Variants in STXBP6 observed in about 807,000 individuals in gnomAD.
STXBP6 encodes the protein syntaxin binding protein 6.
Under a neutral mutation model 26.9 loss-of-function variants are expected in STXBP6, and 21 were observed. That is an observed-to-expected ratio of 0.78 (90% CI 0.55 to 1.12). STXBP6 has a LOEUF of 1.12. Ranked by LOEUF, STXBP6 falls within the 50% of genes most tolerant of loss-of-function variation. The pLI is 0.00. For missense variants in STXBP6, 232 were observed against 257.9 expected (o/e 0.90, Z 0.69); for synonymous variants, 97 against 92.6 (o/e 1.05, Z -0.27).
chr14:24,875,964 T>C (rs1241792513), intron 2 of STXBP6, among the ~76,000 whole-genome samples: 1 of 152,088 alleles, frequency 6.6e-6, no homozygotes, highest in Admixed American at 6.5e-5. Context: ...AATACGGCAC[T>C]GTGTATTTAT....
intron 1 of STXBP6, among the ~76,000 whole-genome samples, chr14:25,005,808 A>T (rs989759014): frequency 2.6e-4 from 26 of 100,846 alleles, no homozygotes; most frequent in Non-Finnish European, 4.6e-4. Flanking sequence ...GGAAAAAACT[A>T]AAAAAAAAAA....
intron 2 of STXBP6, among the ~76,000 whole-genome samples, chr14:24,939,212 G>A (rs1157621725): frequency 2.0e-5 from 3 of 152,120 alleles, no homozygotes; most frequent in African/African-American, 7.2e-5. Flanking sequence ...GGTGACTGTG[G>A]CCAAGGCAAC....
chr14:24,871,670 G>A (rs2069941118), intron 2 of STXBP6, among the ~76,000 whole-genome samples: 1 of 152,204 alleles, frequency 6.6e-6, no homozygotes, highest in Non-Finnish European at 1.5e-5. Flanking sequence ...TGGCGTTGCT[G>A]CTTTCAAGCC....
Position 24,812,634 on chromosome 14 carries a change from T to C in STXBP6, c.*75A>G. 1.4e-6 allele frequency: 2 copies of C among 1,438,674 alleles called. No homozygotes were observed. Among genetic ancestry groups the C allele is most frequent in the Non-Finnish European group, 2.0e-6 (2 of 1,023,046 alleles). The allele number at this position is 1,438,674 out of a possible 1,614,324, so 89.1% of individuals were successfully genotyped here. ...TTGGAAAAAAAGAAGCAAGCGGAGG[T>C]CCCGAATTCTTGTAAAAACTGCTGA... On this transcript the variant is annotated 3_prime_UTR_variant, in exon 6 of 6. Coordinates refer to ENST00000323944, the MANE Select transcript of STXBP6 (RefSeq NM_001394410.1).
At chr14:24,864,100 T>C (rs1483727128) in intron 2 of STXBP6, among the ~76,000 whole-genome samples, 2 of 152,118 alleles carry the variant, frequency 1.3e-5, no homozygotes, top group Admixed American at 1.3e-4. Context: ...CTGTTCTTAC[T>C]TCCTCAATTC....
intron 4 of STXBP6, among the ~76,000 whole-genome samples, chr14:24,828,794 A>G (rs2068366078): frequency 6.6e-6 from 1 of 152,212 alleles, no homozygotes; most frequent in Non-Finnish European, 1.5e-5. Context: ...ATAATTAGAT[A>G]TTAATAAGGT....
At chr14:24,970,381 A>G (rs2073870302) in intron 2 of STXBP6, among the ~76,000 whole-genome samples, 1 of 152,240 alleles carries the variant, frequency 6.6e-6, no homozygotes, top group Non-Finnish European at 1.5e-5. Flanking sequence ...AACACCTAAC[A>G]TCACTGCAAA....
intron 2 of STXBP6, among the ~76,000 whole-genome samples, chr14:24,958,561 C>T (rs749872863): frequency 9.9e-5 from 15 of 152,152 alleles, no homozygotes; most frequent in Admixed American, 2.6e-4. Flanking sequence ...TGGCATATCA[C>T]AGCCTTAAAG....
intron 4 of STXBP6, among the ~76,000 whole-genome samples, chr14:24,833,935 A>G (rs2138942499): frequency 6.6e-6 from 1 of 152,350 alleles, no homozygotes; most frequent in East Asian, 1.9e-4. Context: ...ATATAGAGGA[A>G]GGCACGATTT....
intron 1 of STXBP6, among the ~76,000 whole-genome samples, chr14:24,994,579 G>A (rs115594959): frequency 4.7e-4 from 71 of 152,280 alleles, no homozygotes; most frequent in African/African-American, 1.7e-3. Context: ...CTTTCCAGAT[G>A]TGTATCCAGC....
intron 1 of STXBP6, among the ~76,000 whole-genome samples, chr14:24,983,598 G>C (rs988533302): frequency 1.3e-5 from 2 of 152,158 alleles, no homozygotes; most frequent in Non-Finnish European, 2.9e-5. Flanking sequence ...TCCCCTTAGA[G>C]GAGGGTATGA....
chr14:24,959,004 G>T (rs559617846), intron 2 of STXBP6, among the ~76,000 whole-genome samples: 18 of 152,086 alleles, frequency 1.2e-4, no homozygotes, highest in Admixed American at 1.0e-3. Context: ...GTCATAATGC[G>T]TCTATCAACC....
At chr14:24,938,424 C>A (rs2072677828) in intron 2 of STXBP6, among the ~76,000 whole-genome samples, 1 of 151,916 alleles carries the variant, frequency 6.6e-6, no homozygotes, top group Non-Finnish European at 1.5e-5. Flanking sequence ...TTTATCCCTG[C>A]CTAAAAAAAG....
chr14:24,973,493 C>A (rs901864823), intron 2 of STXBP6, among the ~76,000 whole-genome samples: 1 of 144,490 alleles, frequency 6.9e-6, no homozygotes, highest in Admixed American at 7.3e-5. Flanking sequence ...TCAAGCAATT[C>A]TCCTGTCTCA....
intron 1 of STXBP6, among the ~76,000 whole-genome samples, chr14:25,043,389 A>AAAAAAAC (rs1389786817): frequency 6.6e-6 from 1 of 151,970 alleles, no homozygotes; most frequent in Admixed American, 6.5e-5. Flanking sequence ...ATTTTTTTTT[A>AAAAAAAC]AAAAAACAAA....
chr14:24,816,052 A>C (rs2067965323), intron 5 of STXBP6: 1 of 152,208 alleles, frequency 6.6e-6, no homozygotes, highest in Admixed American at 6.5e-5. Context: ...AACAAGTTAG[A>C]AGGCCAAGTT....
intron 1 of STXBP6, among the ~76,000 whole-genome samples, chr14:25,045,822 G>C (rs939743609): frequency 3.3e-5 from 5 of 151,902 alleles, no homozygotes; most frequent in Admixed American, 3.3e-4. Context: ...TGGTCAGGCT[G>C]CTCTTGAACT....
intron 2 of STXBP6, among the ~76,000 whole-genome samples, chr14:24,967,621 C>CT (rs901294527): frequency 6.6e-6 from 1 of 152,144 alleles, no homozygotes; most frequent in Admixed American, 6.5e-5. Flanking sequence ...CTGAGAATAA[C>CT]TTTGTTTTTT....
chr14:24,894,315 T>C (rs1241603), intron 2 of STXBP6, among the ~76,000 whole-genome samples: 2 of 151,944 alleles, frequency 1.3e-5, no homozygotes, highest in Admixed American at 1.3e-4. Flanking sequence ...GAATTGGAAG[T>C]CCAAGTCTAA....
Sources: allele counts gnomAD v4.1 joint callset (sites outside exome capture counted in the v4.1 genomes callset), GRCh38; gene constraint gnomAD v4.1.1; transcripts MANE v1.5; gene names NCBI Gene and HGNC (gene_info 2026-07-23, HGNC 2026-07-21).